PTK2: variants seen among roughly 807,000 people sequenced by gnomAD.
PTK2 encodes protein tyrosine kinase 2.
A neutral mutation model predicts 150.1 loss-of-function variants in PTK2; 45 were observed. The ratio of observed to expected loss-of-function variants is 0.30; its 90% CI spans 0.24 to 0.38. The LOEUF (loss-of-function observed/expected upper bound fraction) is 0.38, where lower values mean the gene tolerates loss of function less well. Among genes scored for constraint, PTK2 ranks in the 10% least tolerant of loss-of-function variants. PTK2 has a pLI of 1.00. For synonymous variants in PTK2, 432 were observed against 449.2 expected (o/e 0.96, Z 0.48); for missense variants, 919 against 1,307.3 (o/e 0.70, Z 4.58).
chr8:140,860,204 A>G (rs1358475694), intron 5 of PTK2, among the ~76,000 whole-genome samples: 1 of 152,206 alleles, frequency 6.6e-6, no homozygotes. Context: ...CTGTTGAAAG[A>G]CATCTGCAAC....
chr8:140,672,840 C>A (rs1043708731), intron 29 of PTK2, among the ~76,000 whole-genome samples: 2 of 152,212 alleles, frequency 1.3e-5, no homozygotes, highest in African/African-American at 4.8e-5. Context: ...GCCAAGCCTG[C>A]GGCCAAGCAC....
intron 5 of PTK2, among the ~76,000 whole-genome samples, chr8:140,856,529 C>T (rs975944225): frequency 1.3e-5 from 2 of 152,048 alleles, no homozygotes; most frequent in Non-Finnish European, 2.9e-5. Flanking sequence ...CATAAAAATA[C>T]GCACTACATA....
At chr8:140,783,961 G>A (rs556212453) in intron 14 of PTK2, among the ~76,000 whole-genome samples, 2 of 152,078 alleles carry the variant, frequency 1.3e-5, no homozygotes, top group South Asian at 4.1e-4. Context: ...TCAAGACTTC[G>A]AGATCAGCCT....
intron 10 of PTK2, among the ~76,000 whole-genome samples, chr8:140,817,140 A>G (rs1313422838): frequency 1.3e-5 from 2 of 152,202 alleles, no homozygotes; most frequent in African/African-American, 2.4e-5. Context: ...GAGTGAAATA[A>G]CCAAGTAGGA....
At chr8:140,673,449 T>C (rs1014598585) in intron 29 of PTK2, among the ~76,000 whole-genome samples, 16 of 151,838 alleles carry the variant, frequency 1.1e-4, no homozygotes, top group Admixed American at 9.9e-4. Flanking sequence ...GAAAAAAAAA[T>C]GCTGCCAATT....
At chr8:140,917,499 T>C (rs1466359275) in intron 2 of PTK2, among the ~76,000 whole-genome samples, 1 of 152,128 alleles carries the variant, frequency 6.6e-6, no homozygotes, top group Non-Finnish European at 1.5e-5. Context: ...TAAATACTTT[T>C]ACTCTAAGAG....
intron 2 of PTK2, among the ~76,000 whole-genome samples, chr8:140,894,842 T>C (rs1042595853): frequency 2.6e-5 from 4 of 152,150 alleles, no homozygotes; most frequent in African/African-American, 9.7e-5. Context: ...AATACACCCT[T>C]ATAACTTTTG....
intron 23 of PTK2, among the ~76,000 whole-genome samples, chr8:140,714,518 C>T (rs980648071): frequency 6.6e-6 from 1 of 151,514 alleles, no homozygotes. Flanking sequence ...GTAAGACAGC[C>T]GGGCGTGGTG....
chr8:140,848,048 C>T (rs1192163558), intron 5 of PTK2, among the ~76,000 whole-genome samples: 2 of 152,216 alleles, frequency 1.3e-5, no homozygotes, highest in Admixed American at 1.3e-4. Flanking sequence ...AGATGAGCAG[C>T]TGGAGAAATC....
intron 2 of PTK2, among the ~76,000 whole-genome samples, chr8:140,897,396 TTTACAC>T (rs1270735969): frequency 2.6e-5 from 4 of 152,216 alleles, no homozygotes; most frequent in East Asian, 1.9e-4. Context: ...GTTATTTTGT[TTTACAC>T]TTTAATGTTT....
rs778329622 is a variant in PTK2 at position 140,869,511 on chromosome 8, C to T, written c.363-5112G>A. On this transcript the variant is annotated intron_variant, in intron 4 of 31. Coordinates refer to ENST00000522684, the Ensembl canonical transcript of PTK2. ...CTTTCCCTTAACAGCATCATAAAGCCACTTTTTTCTGATTCAGATAATGAA... is the reference window on the plus strand; with the variant it reads ...CTTTCCCTTAACAGCATCATAAAGCTACTTTTTTCTGATTCAGATAATGAA... 1.1e-4 allele frequency among the ~76,000 whole-genome samples: 16 copies of T among 152,208 alleles called. 3 individuals are homozygous for T. Among genetic ancestry groups the T allele is most frequent in the Admixed American group, 9.8e-4 (15 of 15,260 alleles).
At chr8:140,947,515 A>T (rs573641097) in intron 1 of PTK2, among the ~76,000 whole-genome samples, 2 of 152,192 alleles carry the variant, frequency 1.3e-5, no homozygotes, top group Non-Finnish European at 2.9e-5. Flanking sequence ...CTCACCCTAC[A>T]GATCAACATG....
At chr8:140,939,572 A>G (rs1405372575) in intron 1 of PTK2, among the ~76,000 whole-genome samples, 1 of 152,168 alleles carries the variant, frequency 6.6e-6, no homozygotes, top group Non-Finnish European at 1.5e-5. Flanking sequence ...CAAATATTAC[A>G]TACCATTCTG....
Position 140,784,436 on chromosome 8 carries a change from G to GA in PTK2, c.1177+5037dup, listed in dbSNP as rs113885002. Among the ~76,000 whole-genome samples, 736 of 149,796 alleles carry GA rather than the reference G, an allele frequency of 4.9e-3. 9 individuals carry two copies. The highest frequency in any genetic ancestry group is 0.016 in the African/African-American group (664 of 40,796). The stretch of plus-strand genomic sequence containing the variant: ...GCTTCGTTATTTTAGAAAAGAAAAA[G>GA]AAAAAAAAACCCAAACACAATAATC... On this transcript the variant is annotated intron_variant, in intron 14 of 31. Coordinates refer to ENST00000522684, the Ensembl canonical transcript of PTK2.
At chr8:140,880,128 A>T (rs2154607079) in intron 3 of PTK2, among the ~76,000 whole-genome samples, 1 of 152,334 alleles carries the variant, frequency 6.6e-6, no homozygotes, top group South Asian at 2.1e-4. Context: ...AGGAACACAC[A>T]GTTAAGGCTA....
chr8:140,991,062 T>G lies in PTK2; in HGVS notation c.-122+10063A>C, dbSNP rs113210469. ...GCCAAGTTATGCGTCTAATTCTGCATAAGATATAACAGATTTAAGCGACAT... is the reference window on the plus strand; with the variant it reads ...GCCAAGTTATGCGTCTAATTCTGCAGAAGATATAACAGATTTAAGCGACAT... On this transcript the variant is annotated intron_variant, in intron 1 of 31. Coordinates refer to ENST00000522684, the Ensembl canonical transcript of PTK2. 5.7e-3 allele frequency among the ~76,000 whole-genome samples: 862 copies of G among 152,340 alleles called. 11 individuals are homozygous for G. The highest frequency in any genetic ancestry group is 0.019 in the African/African-American group (788 of 41,570).
chr8:140,927,954 A>AG (rs1569053096), intron 1 of PTK2, among the ~76,000 whole-genome samples: 4 of 85,004 alleles, frequency 4.7e-5, no homozygotes, highest in Non-Finnish European at 6.5e-5. Context: ...AAAAAAAAAA[A>AG]AAAGAAAAAA....
chr8:140,916,372 T>A (rs1016187583), intron 2 of PTK2, among the ~76,000 whole-genome samples: 5 of 152,230 alleles, frequency 3.3e-5, no homozygotes, highest in African/African-American at 9.6e-5. Context: ...TAACCCCGTA[T>A]TCACTCTGTT....
At chr8:140,861,911 T>G (rs1366358360) in intron 5 of PTK2, among the ~76,000 whole-genome samples, 2 of 152,216 alleles carry the variant, frequency 1.3e-5, no homozygotes, top group Non-Finnish European at 2.9e-5. Flanking sequence ...AGGGATAGAC[T>G]GAATTTTTAA....
Sources: gnomAD v4.1 joint callset for allele counts (sites outside exome capture counted in the v4.1 genomes callset) on GRCh38, gnomAD v4.1.1 for gene constraint, MANE v1.5 for transcripts, NCBI Gene and HGNC (gene_info 2026-07-23, HGNC 2026-07-21) for gene names.